The following SSU72 variants were observed in gnomAD, a reference collection of about 807,000 sequenced individuals.
SSU72 encodes RNA polymerase II subunit A C-terminal domain phosphatase SSU72.
Under a neutral mutation model 22.7 loss-of-function variants are expected in SSU72, and 12 were observed. The ratio of observed to expected loss-of-function variants is 0.53; its 90% confidence interval spans 0.34 to 0.86. The LOEUF (loss-of-function observed/expected upper bound fraction) is 0.86, where lower values mean the gene tolerates loss of function less well. SSU72 is among the 40% of genes least tolerant of loss of function. The probability of loss-of-function intolerance (pLI) is 0.02; values close to 1 mark genes in which losing one functional copy is unlikely to be tolerated. For synonymous variants in SSU72, 116 were observed against 98.3 expected (o/e 1.18, Z -1.06); for missense variants, 151 against 249.8 (o/e 0.60, Z 2.67).
At chr1:1,544,651 A>C in intron 3 of SSU72, 1 of 620,074 alleles carries the variant, frequency 1.6e-6, no homozygotes, top group Non-Finnish European at 2.8e-6. Flanking sequence ...AGGAGAAAAG[A>C]GGCCCCTTGA....
intron 2 of SSU72, among the ~76,000 whole-genome samples, chr1:1,550,681 A>C (rs1642445729): frequency 6.6e-6 from 1 of 152,092 alleles, no homozygotes; most frequent in Admixed American, 6.5e-5. Flanking sequence ...GAGCCTCAAC[A>C]CTGTTCTGTT....
At position 1,542,785 on chromosome 1, in the gene SSU72, TG is replaced by T. The variant is rs1389968546; in HGVS notation, c.484-619del. ...CAAGCAGAAATCGTGCAATAACTTCTGGGACGACATTTTCTTATGACCTTTT... is the reference window on the plus strand; with the variant it reads ...CAAGCAGAAATCGTGCAATAACTTCTGGACGACATTTTCTTATGACCTTTT... On this transcript the variant is annotated intron_variant, in intron 4 of 4. Coordinates refer to ENST00000291386, the MANE Select transcript of SSU72 (RefSeq NM_014188.3). This position sits in a 1 kb window ranked among gnomAD's most constrained non-coding sequence, Gnocchi z 4.4. 2.0e-5 allele frequency among the ~76,000 whole-genome samples: 3 copies of T among 152,094 alleles called. No homozygotes were observed. The highest frequency in any genetic ancestry group is 7.2e-5 in the African/African-American group (3 of 41,416).
At chr1:1,546,934 A>AG (rs1018279128) in intron 2 of SSU72, among the ~76,000 whole-genome samples, 12 of 149,822 alleles carry the variant, frequency 8.0e-5, no homozygotes, top group South Asian at 2.1e-4. Flanking sequence ...CGGGAGGCTG[A>AG]GGCAGGAGAA....
rs767703422 is a variant in SSU72 at position 1,544,774 on chromosome 1, G to A, written c.364+89C>T. 9 of 1,582,778 alleles carry A rather than the reference G, an allele frequency of 5.7e-6. No individual in the cohort carries two copies. The East Asian group carries it at 2.0e-4, about 35-fold the overall frequency. On this transcript the variant is annotated intron_variant, in intron 3 of 4. Transcript: ENST00000291386. ...CCCCGGCCCCCGCCACTCTAGACGG[G>A]CTGTACTGGTCATGGTGGGGCCCTG...
chr1:1,561,199 C>T (rs1319374387), intron 2 of SSU72: 2 of 152,274 alleles, frequency 1.3e-5, no homozygotes, highest in African/African-American at 4.8e-5. Flanking sequence ...ACTCTCCTGC[C>T]TCAGCCTCCC....
At chr1:1,571,043 GAGGCCATCTGGCCAAC>G (rs1218454879) in intron 1 of SSU72, among the ~76,000 whole-genome samples, 1 of 152,032 alleles carries the variant, frequency 6.6e-6, no homozygotes, top group African/African-American at 2.4e-5. Context: ...TCAGGAGATC[GAGGCCATCTGGCCAAC>G]ACGGTGAAAC....
chr1:1,572,024 T>G lies in SSU72; in HGVS notation c.80+2454A>C, dbSNP rs1368867196. ...GTTAGCCAAGATGGTCTCGATCTCC[T>G]GACCTCGTGATCCACCTGCCTCGGC... On this transcript the variant is annotated intron_variant, in intron 1 of 4. Transcript: ENST00000291386. 3.3e-5 allele frequency among the ~76,000 whole-genome samples: 5 copies of G among 151,100 alleles called. No individual in the cohort carries two copies. In the South Asian group the frequency reaches 1.1e-3, roughly 32 times the overall value.
chr1:1,543,035 G>A (rs1479293317), intron 4 of SSU72, among the ~76,000 whole-genome samples: 1 of 152,220 alleles, frequency 6.6e-6, no homozygotes, highest in African/African-American at 2.4e-5. Context: ...GTCTTTCACA[G>A]ACATTCATCA....
At chr1:1,560,304 CCCA>C (rs758697993) in intron 2 of SSU72, among the ~76,000 whole-genome samples, 1 of 152,126 alleles carries the variant, frequency 6.6e-6, no homozygotes, top group Non-Finnish European at 1.5e-5. Flanking sequence ...TGCCACCACA[CCCA>C]CCACATCTGT....
At chr1:1,553,153 G>A (rs1642473754) in intron 2 of SSU72, among the ~76,000 whole-genome samples, 1 of 151,980 alleles carries the variant, frequency 6.6e-6, no homozygotes, top group Non-Finnish European at 1.5e-5. Context: ...CTGCACTGTG[G>A]CCCCATGGTG....
intron 2 of SSU72, among the ~76,000 whole-genome samples, chr1:1,557,471 AACTAT>A (rs1474775698): frequency 4.1e-5 from 6 of 147,848 alleles, no homozygotes; most frequent in African/African-American, 1.5e-4. Flanking sequence ...CCTTTTTGGG[AACTAT>A]ACTATTCATC....
At position 1,554,164 on chromosome 1, in the gene SSU72, C is replaced by T. The variant is rs1236306289; in HGVS notation, c.225-9162G>A. Reference sequence around the variant, plus strand: ...AGTGAAGCTGAGCACGAGGCGGATCCGGACCACTAAGGGGTCCCCACGAAG... The same window carrying T: ...AGTGAAGCTGAGCACGAGGCGGATCTGGACCACTAAGGGGTCCCCACGAAG... On this transcript the variant is annotated intron_variant, in intron 2 of 4. Coordinates refer to ENST00000291386, the MANE Select transcript of SSU72 (RefSeq NM_014188.3). The surrounding 1 kb of genome is among the most constrained non-coding windows in gnomAD (Gnocchi z 4.1). Among the ~76,000 whole-genome samples the T allele has an allele frequency of 2.7e-5, 4 of 150,000 alleles. No individual in the cohort carries two copies. Among genetic ancestry groups the T allele is most frequent in the Admixed American group, 6.7e-5 (1 of 15,026 alleles).
intron 1 of SSU72, among the ~76,000 whole-genome samples, chr1:1,571,986 G>A (rs9439469): frequency 0.44 from 65,730 of 150,256 alleles, 16,798 homozygotes; most frequent in African/African-American, 0.7. Context: ...TTGTAGAGAC[G>A]GGGTTTCACC....
chr1:1,557,043 G>A (rs1642529543), intron 2 of SSU72, among the ~76,000 whole-genome samples: 1 of 152,182 alleles, frequency 6.6e-6, no homozygotes. Flanking sequence ...CACGATCAGA[G>A]TTTCTCTGGG....
At position 1,542,655 on chromosome 1, in the gene SSU72, G is replaced by A. The variant is rs970986252; in HGVS notation, c.484-488C>T. Reference sequence around the variant, plus strand: ...ACACCTGCCCTGGCACCGGCAGCTCGTTACTCGCCATCTCCACTGTCCCCT... The same window carrying A: ...ACACCTGCCCTGGCACCGGCAGCTCATTACTCGCCATCTCCACTGTCCCCT... On this transcript the variant is annotated intron_variant, in intron 4 of 4. Coordinates refer to ENST00000291386, the MANE Select transcript of SSU72 (RefSeq NM_014188.3). This position sits in a 1 kb window ranked among gnomAD's most constrained non-coding sequence, Gnocchi z 4.4. Among the ~76,000 whole-genome samples the A allele has an allele frequency of 4.6e-5, 7 of 152,090 alleles. No individual in the cohort carries two copies. Among genetic ancestry groups the A allele is most frequent in the South Asian group, 2.1e-4 (1 of 4,828 alleles).
intron 2 of SSU72, among the ~76,000 whole-genome samples, chr1:1,551,565 A>G (rs1162788706): frequency 6.6e-6 from 1 of 150,692 alleles, no homozygotes; most frequent in African/African-American, 2.5e-5. Context: ...TCAGATTCCC[A>G]GAGCCCATCC....
At chr1:1,549,597 G>A (rs1403357943) in intron 2 of SSU72, among the ~76,000 whole-genome samples, 1 of 151,532 alleles carries the variant, frequency 6.6e-6, no homozygotes, top group East Asian at 2.0e-4. Context: ...CCACCACTTT[G>A]GGAGGCCGAG....
In SSU72 at chr1:1,543,725, C is replaced by CCTGTCACGGCCTCGGCCACTCCCCT; in HGVS notation, c.483+119_483+143dup. The CCTGTCACGGCCTCGGCCACTCCCCT allele has an allele frequency of 5.1e-6, 2 of 393,432 alleles. 1 individual carries two copies. The highest frequency in any genetic ancestry group is 1.2e-4 in the Admixed American group (2 of 16,596). The allele number at this position is 393,432 out of a possible 1,614,324, so 24.4% of individuals were successfully genotyped here. On this transcript the variant is annotated intron_variant, in intron 4 of 4. Coordinates refer to ENST00000291386, the MANE Select transcript of SSU72 (RefSeq NM_014188.3). ...CCACTGTCACGGCCTCGGCCACTCC[C>CCTGTCACGGCCTCGGCCACTCCCCT]CTGTCACGGCCTCGGCCACTCCCCT...
At chr1:1,548,554 C>CAAA (rs774463067) in intron 2 of SSU72, among the ~76,000 whole-genome samples, 2 of 55,252 alleles carry the variant, frequency 3.6e-5, no homozygotes, top group Admixed American at 2.0e-4. Flanking sequence ...GACTCTGTCT[C>CAAA]AAAAAAAAAA....
Sources: allele counts gnomAD v4.1 joint callset (sites outside exome capture counted in the v4.1 genomes callset), GRCh38; gene constraint gnomAD v4.1.1; non-coding constraint Gnocchi (gnomAD v3.1); transcripts MANE v1.5; gene names NCBI Gene and HGNC (gene_info 2026-07-23, HGNC 2026-07-21).